SOX6: variants seen among roughly 807,000 people sequenced by gnomAD.
The protein encoded by SOX6 is SRY-box transcription factor 6.
In SOX6, 11 loss-of-function variants were observed where a neutral mutation model predicts 97.8. That is an observed-to-expected ratio of 0.11 (90% CI 0.07 to 0.19). The LOEUF is 0.19. Among genes scored for constraint, SOX6 ranks in the 10% least tolerant of loss-of-function variants. The pLI is 1.00. For synonymous variants in SOX6, 360 were observed against 371.4 expected (o/e 0.97, Z 0.35); for missense variants, 810 against 1,039.5 (o/e 0.78, Z 3.04).
intron 3 of SOX6, among the ~76,000 whole-genome samples, chr11:16,618,069 C>A (rs563229462): frequency 9.9e-5 from 15 of 151,896 alleles, no homozygotes; most frequent in African/African-American, 3.4e-4. Flanking sequence ...ATTGCAAAAG[C>A]CTTCTTAGTA....
At chr11:16,096,896 C>T (rs1848811606) in intron 8 of SOX6, among the ~76,000 whole-genome samples, 1 of 151,558 alleles carries the variant, frequency 6.6e-6, no homozygotes, top group Non-Finnish European at 1.5e-5. Context: ...TTTATTAATA[C>T]AAATATACAT....
At chr11:16,124,780 T>A (rs1343973481) in intron 6 of SOX6, among the ~76,000 whole-genome samples, 1 of 152,036 alleles carries the variant, frequency 6.6e-6, no homozygotes, top group Non-Finnish European at 1.5e-5. Context: ...AGTATTACCA[T>A]GAGACCTATT....
At chr11:16,354,489 T>C (rs1021459455) in intron 1 of SOX6, among the ~76,000 whole-genome samples, 1 of 151,916 alleles carries the variant, frequency 6.6e-6, no homozygotes, top group African/African-American at 2.4e-5. Flanking sequence ...GGTAAAAATA[T>C]ATTGTTACTG....
chr11:16,300,280 T>TG lies in SOX6; in HGVS notation c.445+18165dup. Among the ~76,000 whole-genome samples the TG allele has an allele frequency of 6.6e-6, 1 of 152,260 alleles. No homozygotes were observed. The highest frequency in any genetic ancestry group is 2.1e-4 in the South Asian group (1 of 4,828). ...GATTAAAAAAAAGGACTTATACAAA[T>TG]GGAGAAAGTCCACAATATTAGACAT... On this transcript the variant is annotated intron_variant, in intron 3 of 15. Transcript: ENST00000683767. The surrounding 1 kb of genome is among the most constrained non-coding windows in gnomAD (Gnocchi z 4.1).
intron 1 of SOX6, among the ~76,000 whole-genome samples, chr11:16,423,223 A>G (rs1393483864): frequency 2.0e-5 from 3 of 151,784 alleles, no homozygotes; most frequent in Admixed American, 6.6e-5. Flanking sequence ...CTTTCTATAC[A>G]TTTTTCCCTT....
chr11:16,476,286 G>A (rs1860246246), intron 1 of SOX6: 2 of 152,332 alleles, frequency 1.3e-5, no homozygotes, highest in Non-Finnish European at 2.9e-5. Flanking sequence ...ATTACACAAT[G>A]AGAAAAGTAA....
intron 4 of SOX6, among the ~76,000 whole-genome samples, chr11:16,504,427 T>C (rs1392857752): frequency 6.6e-6 from 1 of 152,092 alleles, no homozygotes; most frequent in Non-Finnish European, 1.5e-5. Flanking sequence ...AAATCTGAAG[T>C]AATTCTATGC....
chr11:16,516,628 G>C (rs903803940), intron 4 of SOX6, among the ~76,000 whole-genome samples: 1 of 151,200 alleles, frequency 6.6e-6, no homozygotes, highest in Non-Finnish European at 1.5e-5. Context: ...ACTAAACCAG[G>C]AAGAAGTTGA....
intron 9 of SOX6, among the ~76,000 whole-genome samples, chr11:16,086,552 T>C (rs1487362721): frequency 6.6e-6 from 1 of 152,130 alleles, no homozygotes; most frequent in Admixed American, 6.6e-5. Flanking sequence ...CTGCTTCATC[T>C]GCTGGCATGC....
chr11:16,214,571 G>A (rs894495307), intron 4 of SOX6, among the ~76,000 whole-genome samples: 8 of 151,842 alleles, frequency 5.3e-5, no homozygotes, highest in African/African-American at 1.5e-4. Context: ...ACCATTACCC[G>A]CTGCTCCTAT....
intron 4 of SOX6, among the ~76,000 whole-genome samples, chr11:16,509,975 T>C (rs551802185): frequency 1.3e-4 from 20 of 152,240 alleles, no homozygotes; most frequent in African/African-American, 4.8e-4. Flanking sequence ...TCGTGGCTTT[T>C]ACGAATATCT....
intron 4 of SOX6, among the ~76,000 whole-genome samples, chr11:16,488,547 A>T (rs1330143698): frequency 6.6e-6 from 1 of 152,090 alleles, no homozygotes; most frequent in African/African-American, 2.4e-5. Context: ...TGTGGTGGCT[A>T]GTATAGTCAT....
chr11:16,514,309 A>G (rs1314247586), intron 4 of SOX6, among the ~76,000 whole-genome samples: 3 of 152,102 alleles, frequency 2.0e-5, no homozygotes, highest in Non-Finnish European at 4.4e-5. Context: ...CGGAGGAGTT[A>G]TCTGTGATAT....
chr11:16,466,947 A>AC (rs1442120982), intron 1 of SOX6, among the ~76,000 whole-genome samples: 5 of 150,622 alleles, frequency 3.3e-5, no homozygotes, highest in Non-Finnish European at 5.9e-5. Context: ...AAAAAAAAAA[A>AC]AAAAAAACAA....
chr11:16,148,579 C>A (rs1850375962), intron 6 of SOX6, among the ~76,000 whole-genome samples: 1 of 152,126 alleles, frequency 6.6e-6, no homozygotes, highest in South Asian at 2.1e-4. Context: ...CTGGACTCTG[C>A]AGTCAGAAAA....
chr11:16,044,964 C>A (rs1225837226), intron 12 of SOX6, among the ~76,000 whole-genome samples: 3 of 140,694 alleles, frequency 2.1e-5, no homozygotes, highest in African/African-American at 8.0e-5. Context: ...ATCTGTCTAT[C>A]TGTCTATCTA....
At chr11:16,482,939 T>C (rs1214949994) in intron 4 of SOX6, among the ~76,000 whole-genome samples, 1 of 152,216 alleles carries the variant, frequency 6.6e-6, no homozygotes, top group East Asian at 1.9e-4. Context: ...ACTAATATCA[T>C]TTGGTGCCAC....
intron 9 of SOX6, among the ~76,000 whole-genome samples, chr11:16,070,582 C>G (rs1467994650): frequency 6.6e-6 from 1 of 152,020 alleles, no homozygotes. Context: ...GTGTGCTGCT[C>G]TCACAGAGAA....
At chr11:16,729,185 C>T (rs1026586164) in intron 2 of SOX6, among the ~76,000 whole-genome samples, 1 of 152,266 alleles carries the variant, frequency 6.6e-6, no homozygotes, top group African/African-American at 2.4e-5. Flanking sequence ...ACTTCCCCAA[C>T]CTAGCAAGGC....
Sources: gnomAD v4.1 joint callset for allele counts (sites outside exome capture counted in the v4.1 genomes callset) on GRCh38, gnomAD v4.1.1 for gene constraint, Gnocchi (gnomAD v3.1) non-coding constraint, MANE v1.5 for transcripts, NCBI Gene and HGNC (gene_info 2026-07-23, HGNC 2026-07-21) for gene names.